The following PTPRN2 variants were observed in gnomAD, a reference collection of about 807,000 sequenced individuals.
PTPRN2 encodes receptor-type tyrosine-protein phosphatase N2.
In PTPRN2, 74 loss-of-function variants were observed where a neutral mutation model predicts 118.8. That is an observed-to-expected ratio of 0.62 (90% CI 0.52 to 0.76). The LOEUF (loss-of-function observed/expected upper bound fraction) is 0.76. PTPRN2 is among the 30% of genes least tolerant of loss of function. The pLI, the probability that PTPRN2 is intolerant of heterozygous loss-of-function variation, is 0.00. For missense variants in PTPRN2, 1,481 were observed against 1,394.4 expected (o/e 1.06, Z -0.99); for synonymous variants, 641 against 608.0 (o/e 1.05, Z -0.80).
At chr7:157,728,284 G>A (rs557757450) in intron 12 of PTPRN2, among the ~76,000 whole-genome samples, 60 of 152,354 alleles carry the variant, frequency 3.9e-4, no homozygotes, top group African/African-American at 1.4e-3. Flanking sequence ...AGCCCCATGT[G>A]GCCAGCAGCA....
At chr7:158,165,423 G>A (rs369604152) in intron 6 of PTPRN2, among the ~76,000 whole-genome samples, 4 of 152,212 alleles carry the variant, frequency 2.6e-5, no homozygotes, top group South Asian at 4.1e-4. Context: ...CTCCTCCGCC[G>A]TCCTTCTCCT....
chr7:158,482,558 T>A (rs564835784), intron 2 of PTPRN2, among the ~76,000 whole-genome samples: 1 of 152,308 alleles, frequency 6.6e-6, no homozygotes, highest in Non-Finnish European at 1.5e-5. Flanking sequence ...TGTACATTGT[T>A]TTTTAGACAT....
intron 11 of PTPRN2, among the ~76,000 whole-genome samples, chr7:157,998,817 CAAAAAAAAAAA>C (rs1213090372): frequency 1.7e-5 from 1 of 59,162 alleles, no homozygotes; most frequent in Non-Finnish European, 3.8e-5. Flanking sequence ...TACTCCATCT[CAAAAAAAAAAA>C]AAAAAAAAAC....
intron 12 of PTPRN2, among the ~76,000 whole-genome samples, chr7:157,755,923 C>T (rs114104056): frequency 1.0e-3 from 159 of 152,348 alleles, no homozygotes; most frequent in African/African-American, 3.4e-3. Context: ...TCCCATTGGT[C>T]ACAGGCCCTT....
intron 12 of PTPRN2, among the ~76,000 whole-genome samples, chr7:157,839,986 CTG>C (rs1808261424): frequency 6.9e-6 from 1 of 144,264 alleles, no homozygotes; most frequent in African/African-American, 2.6e-5. Flanking sequence ...CCACATTTGA[CTG>C]TGTGGCCGTG....
intron 2 of PTPRN2, among the ~76,000 whole-genome samples, chr7:158,324,566 G>A (rs1034103141): frequency 1.8e-4 from 28 of 151,862 alleles, no homozygotes; most frequent in South Asian, 8.4e-4. Flanking sequence ...GTGGCCATGC[G>A]CCTCCACCCC....
intron 12 of PTPRN2, among the ~76,000 whole-genome samples, chr7:157,783,318 A>T (rs947616987): frequency 6.6e-6 from 1 of 151,696 alleles, no homozygotes; most frequent in African/African-American, 2.4e-5. Context: ...TCACGTTCCC[A>T]TCTGAATATG....
intron 11 of PTPRN2, among the ~76,000 whole-genome samples, chr7:158,071,612 C>CATG (rs766012678): frequency 3.3e-5 from 1 of 30,552 alleles, no homozygotes; most frequent in African/African-American, 1.1e-4. Context: ...TGGAGGTGCT[C>CATG]GTGGTGGAGG....
At chr7:157,745,005 C>T (rs1800838934) in intron 12 of PTPRN2, among the ~76,000 whole-genome samples, 1 of 152,218 alleles carries the variant, frequency 6.6e-6, no homozygotes, top group East Asian at 1.9e-4. Flanking sequence ...TTCCAGGCGG[C>T]ACCTTCCTTA....
chr7:158,522,700 T>C (rs1824297820), intron 1 of PTPRN2, among the ~76,000 whole-genome samples: 1 of 152,142 alleles, frequency 6.6e-6, no homozygotes. Flanking sequence ...CTGGAGTCCG[T>C]GAGGCACTCG....
chr7:158,581,953 G>A (rs1465092999), intron 1 of PTPRN2, among the ~76,000 whole-genome samples: 1 of 152,244 alleles, frequency 6.6e-6, no homozygotes, highest in East Asian at 1.9e-4. Context: ...GCAGAAGCAG[G>A]TGTTTCCAAG....
At position 157,874,876 on chromosome 7, in the gene PTPRN2, C is replaced by T. The variant is rs921488465; in HGVS notation, c.1788+23797G>A. ...ACACGGAGACACACTCGTGCACATA[C>T]ACACACGGAGACACACTCGTGCACA... On this transcript the variant is annotated intron_variant, in intron 12 of 22. Transcript: ENST00000389418. This position sits in a 1 kb window ranked among gnomAD's most constrained non-coding sequence, Gnocchi z 5.8. Among the ~76,000 whole-genome samples, 3 of 151,094 alleles carry T rather than the reference C, an allele frequency of 2.0e-5. No homozygotes were observed. Among genetic ancestry groups the T allele is most frequent in the African/African-American group, 7.3e-5 (3 of 41,274 alleles).
intron 6 of PTPRN2, among the ~76,000 whole-genome samples, chr7:158,152,225 T>A (rs1008985178): frequency 2.0e-5 from 3 of 147,756 alleles, no homozygotes; most frequent in Non-Finnish European, 3.0e-5. Flanking sequence ...TGGTGATTGA[T>A]GCTGCGAAGA....
chr7:158,271,496 C>T (rs1798512338), intron 3 of PTPRN2, among the ~76,000 whole-genome samples: 1 of 152,244 alleles, frequency 6.6e-6, no homozygotes, highest in Non-Finnish European at 1.5e-5. Flanking sequence ...GGACTCTCAG[C>T]AGAGTCCACA....
chr7:158,361,739 C>G (rs1808996552), intron 2 of PTPRN2, among the ~76,000 whole-genome samples: 1 of 152,170 alleles, frequency 6.6e-6, no homozygotes, highest in Admixed American at 6.5e-5. Context: ...TCCCCCAACA[C>G]AGATACCAAC....
intron 21 of PTPRN2, among the ~76,000 whole-genome samples, chr7:157,551,286 G>A (rs1798583823): frequency 6.6e-6 from 1 of 152,022 alleles, no homozygotes; most frequent in Non-Finnish European, 1.5e-5. Flanking sequence ...TGTGGCTTCT[G>A]GACACATTGA....
At chr7:157,800,724 G>T (rs937078720) in intron 12 of PTPRN2, among the ~76,000 whole-genome samples, 2 of 150,608 alleles carry the variant, frequency 1.3e-5, no homozygotes, top group Non-Finnish European at 2.9e-5. Flanking sequence ...AGGCCGAGGC[G>T]GGCGGATCAC....
chr7:157,914,452 A>C (rs1405172363), intron 11 of PTPRN2, among the ~76,000 whole-genome samples: 2 of 152,204 alleles, frequency 1.3e-5, no homozygotes, highest in African/African-American at 4.8e-5. Context: ...ACTCTGCCAG[A>C]ATACTTATGA....
chr7:158,514,215 C>A (rs1355496584), intron 1 of PTPRN2, among the ~76,000 whole-genome samples: 1 of 152,166 alleles, frequency 6.6e-6, no homozygotes, highest in Non-Finnish European at 1.5e-5. Context: ...CACAGGTATA[C>A]CTGGTATACC....
Sources: gnomAD v4.1 joint callset for allele counts (sites outside exome capture counted in the v4.1 genomes callset) on GRCh38, gnomAD v4.1.1 for gene constraint, Gnocchi (gnomAD v3.1) non-coding constraint, MANE v1.5 for transcripts, NCBI Gene and HGNC (gene_info 2026-07-23, HGNC 2026-07-21) for gene names.